IGLL5: variants seen among roughly 807,000 people sequenced by gnomAD.
IGLL5 encodes immunoglobulin lambda like polypeptide 5.
Under a neutral mutation model 20.9 loss-of-function variants are expected in IGLL5, and 30 were observed. The ratio of observed to expected loss-of-function variants is 1.44; its 90% CI spans 1.07 to 1.95. The LOEUF (loss-of-function observed/expected upper bound fraction) is 1.95, where lower values mean the gene tolerates loss of function less well. IGLL5 is among the 30% of genes most tolerant of loss of function. The pLI, the probability that IGLL5 is intolerant of heterozygous loss-of-function variation, is 0.00. For missense variants in IGLL5, 475 were observed against 270.7 expected, an observed-to-expected ratio of 1.75 and a Z score of -5.30; for synonymous variants, 203 against 117.3, an observed-to-expected ratio of 1.73 and a Z score of -4.72.
At chr22:22,894,041 C>A (rs973140670) in intron 2 of IGLL5, among the ~76,000 whole-genome samples, 5 of 150,420 alleles carry the variant, frequency 3.3e-5, no homozygotes, top group Middle Eastern at 3.8e-3. Context: ...GGGGCCTGAG[C>A]TGGGATTGGG....
chr22:22,894,079 G>A (rs572931021), intron 2 of IGLL5, among the ~76,000 whole-genome samples: 4 of 151,490 alleles, frequency 2.6e-5, no homozygotes, highest in South Asian at 2.1e-4. Context: ...CTCTCTTCCA[G>A]GGCAGATGTC....
chr22:22,888,367 GAGGGGCCTGGGCTGACACTGGCTTT>G, intron 1 of IGLL5, 108 bp downstream of exon 1: 1 of 990,932 alleles, frequency 1.0e-6, no homozygotes. Context: ...TAACCCCTAA[GAGGGGCCTGGGCTGACACTGGCTTT>G]AGTAATGGGT....
intron 2 of IGLL5, among the ~76,000 whole-genome samples, 188 bp from the exon 3 acceptor site, chr22:22,895,187 G>A (rs2146051920): frequency 6.6e-6 from 1 of 151,410 alleles, no homozygotes; most frequent in African/African-American, 2.4e-5. Flanking sequence ...AGGGCTCCTA[G>A]GAAGGCACAG....
rs1247867993 is a variant in IGLL5 at position 22,888,051 on chromosome 22, C to G, written c.-3C>G. ...CCAGAGGTGCCCCTGAACCTGAAGG[C>G]CAATGAGACCCAAGACAGGCCAAGT... On this transcript the variant is annotated 5_prime_UTR_variant, in exon 1 of 3. Coordinates refer to ENST00000526893, the MANE Select transcript of IGLL5 (RefSeq NM_001178126.2). 6.5e-7 allele frequency: 1 copy of G among 1,548,970 alleles called. No individual in the cohort carries two copies. The highest frequency in any genetic ancestry group is 8.7e-7 in the Non-Finnish European group (1 of 1,146,330).
At chr22:22,888,788 G>C (rs538047632) in intron 1 of IGLL5, among the ~76,000 whole-genome samples, 2 of 151,458 alleles carry the variant, frequency 1.3e-5, no homozygotes, top group Admixed American at 6.6e-5. Flanking sequence ...ACACAGGGAG[G>C]GTGGGATGAA....
chr22:22,893,922 A>T (rs1160065673), intron 2 of IGLL5, 104 bp downstream of exon 2: 3 of 832,890 alleles, frequency 3.6e-6, no homozygotes, highest in Non-Finnish European at 6.2e-6. Flanking sequence ...CCCAGCCTTA[A>T]GCACTGACCC....
chr22:22,892,802 CA>C (rs1371394584), intron 1 of IGLL5, among the ~76,000 whole-genome samples: 1 of 151,042 alleles, frequency 6.6e-6, no homozygotes, highest in Admixed American at 6.6e-5. Flanking sequence ...TAGGAGACTA[CA>C]GAGAGCAGAA....
chr22:22,894,358 T>A (rs1212026958), intron 2 of IGLL5, among the ~76,000 whole-genome samples: 5 of 151,392 alleles, frequency 3.3e-5, no homozygotes, highest in Middle Eastern at 3.8e-3. Flanking sequence ...GCTCTGGGTC[T>A]AGGCTGCAGC....
rs563383618 is a variant in IGLL5 at position 22,894,668 on chromosome 22, G to C, written c.326-707G>C. 2.6e-5 allele frequency among the ~76,000 whole-genome samples: 4 copies of C among 151,344 alleles called. 1 individual carries two copies. The highest frequency in any genetic ancestry group is 2.0e-4 in the East Asian group (1 of 4,934). On this transcript the variant is annotated intron_variant, in intron 2 of 2. Coordinates refer to ENST00000526893, the MANE Select transcript of IGLL5 (RefSeq NM_001178126.2). ...GTGAAGTTTGGGGTCATCACAGGCTGCTGGGGTGGGCCTGGGGGCTGCTGA... is the reference window on the plus strand; with the variant it reads ...GTGAAGTTTGGGGTCATCACAGGCTCCTGGGGTGGGCCTGGGGGCTGCTGA...
chr22:22,888,667 TGAGGG>T, intron 1 of IGLL5, among the ~76,000 whole-genome samples: 1 of 151,102 alleles, frequency 6.6e-6, no homozygotes, highest in East Asian at 2.0e-4. Context: ...TCCTGCCCAG[TGAGGG>T]CAGGGGCCAC....
At position 22,888,968 on chromosome 22, in the gene IGLL5, G is replaced by A. The variant is rs58430917; in HGVS notation, c.206+709G>A. On this transcript the variant is annotated intron_variant, in intron 1 of 2. Coordinates refer to ENST00000526893, the MANE Select transcript of IGLL5 (RefSeq NM_001178126.2). Reference sequence around the variant, plus strand: ...CAGAGCAGCGTCAGAGGAGAGGAGAGCACAGGATGAGGCTGGGAGCTCCTG... The same window carrying A: ...CAGAGCAGCGTCAGAGGAGAGGAGAACACAGGATGAGGCTGGGAGCTCCTG... Among the ~76,000 whole-genome samples, 47 of 150,936 alleles carry A rather than the reference G, an allele frequency of 3.1e-4. 2 individuals carry two copies. The highest frequency in any genetic ancestry group is 7.5e-3 in the Middle Eastern group (2 of 266).
rs760477015 is a variant in IGLL5, at chr22:22,893,850, T to A, written c.325+32T>A. 4 of 1,396,704 alleles carry A rather than the reference T, an allele frequency of 2.9e-6. 1 individual carries two copies. Among genetic ancestry groups the A allele is most frequent in the African/African-American group, 2.8e-5 (2 of 70,582 alleles). 86.5% of individuals were successfully genotyped at this position (1,396,704 alleles called of 1,614,324 possible). On this transcript the variant is annotated intron_variant, in intron 2 of 2. Coordinates refer to ENST00000526893, the MANE Select transcript of IGLL5 (RefSeq NM_001178126.2). ...GGCTCTCAACCTTTCCCAGCCTGTC[T>A]CACCCTCTGCTGTCCCTGGAAAATC... is the stretch of plus-strand genomic sequence containing the variant.
intron 2 of IGLL5, 52 bp downstream of exon 2, chr22:22,893,870 A>C (rs183687085): frequency 4.0e-6 from 5 of 1,264,768 alleles, no homozygotes; most frequent in East Asian, 2.3e-5. Context: ...CTGTCCCTGG[A>C]AAATCTGTTT....
At position 22,889,063 on chromosome 22, in the gene IGLL5, G is replaced by A. The variant is rs561945236; in HGVS notation, c.206+804G>A. 4.0e-5 allele frequency among the ~76,000 whole-genome samples: 6 copies of A among 151,334 alleles called. 1 individual carries two copies. Among genetic ancestry groups the A allele is most frequent in the South Asian group, 2.1e-4 (1 of 4,742 alleles). ...CATTCCCAGTCCAGGACGAGTCCTTGGATGGATTTAGGTAGATTGATTATC... is the reference window on the plus strand; with the variant it reads ...CATTCCCAGTCCAGGACGAGTCCTTAGATGGATTTAGGTAGATTGATTATC... On this transcript the variant is annotated intron_variant, in intron 1 of 2. Transcript: ENST00000526893.
In IGLL5 at chr22:22,895,723, G is replaced by C. The variant is rs757596377; in HGVS notation, c.*29G>C. 14 of 1,605,416 alleles carry C rather than the reference G, an allele frequency of 8.7e-6. No individual in the cohort carries two copies. The Admixed American group carries it at 2.3e-4, about 27-fold the overall frequency. On this transcript the variant is annotated 3_prime_UTR_variant, in exon 3 of 3. Coordinates refer to ENST00000526893, the MANE Select transcript of IGLL5 (RefSeq NM_001178126.2). ...CCCAACTCTAACCCCACCCACGGGA[G>C]CCTGGAGCTGCAGGATCCCAGGGGA...
chr22:22,894,368 C>T (rs1451504272), intron 2 of IGLL5, among the ~76,000 whole-genome samples: 9 of 151,416 alleles, frequency 5.9e-5, no homozygotes, highest in South Asian at 2.1e-4. Flanking sequence ...TAGGCTGCAG[C>T]TCTGTGGCCT....
At chr22:22,895,013 G>T (rs569364892) in intron 2 of IGLL5, among the ~76,000 whole-genome samples, 4 of 151,508 alleles carry the variant, frequency 2.6e-5, no homozygotes, top group East Asian at 4.0e-4. Flanking sequence ...GTGATGGAGG[G>T]GGGTATAGGG....
rs184552722 is a variant in IGLL5 at position 22,887,957 on chromosome 22, A to C, written c.-97A>C. On this transcript the variant is annotated 5_prime_UTR_variant, in exon 1 of 3. Coordinates refer to ENST00000526893, the MANE Select transcript of IGLL5 (RefSeq NM_001178126.2). ...GGACAGAGCCAATGGACTGGGGTGT[A>C]CTGTAACAGCCCTGCTGGCGAGAGG... 4 of 950,334 alleles carry C rather than the reference A, an allele frequency of 4.2e-6. No individual in the cohort carries two copies. The highest frequency in any genetic ancestry group is 2.8e-5 in the South Asian group (2 of 71,738). The allele number at this position is 950,334 out of a possible 1,614,324, so 58.9% of individuals were successfully genotyped here. A position where few individuals can be genotyped will look rare whatever the true frequency, so the allele number is the denominator to read the frequency against.
chr22:22,889,224 G>C (rs2067698345), intron 1 of IGLL5, among the ~76,000 whole-genome samples: 1 of 151,152 alleles, frequency 6.6e-6, no homozygotes, highest in South Asian at 2.1e-4. Context: ...GTGCCTTGGG[G>C]ATGGGGAGGA....
Sources: allele counts gnomAD v4.1 joint callset (sites outside exome capture counted in the v4.1 genomes callset), GRCh38; gene constraint gnomAD v4.1.1; transcripts MANE v1.5; gene names NCBI Gene and HGNC (gene_info 2026-07-23, HGNC 2026-07-21).